TLK1: variants seen among roughly 807,000 people sequenced by gnomAD.
TLK1 encodes serine/threonine-protein kinase tousled-like 1.
In TLK1, 24 loss-of-function variants were observed where a neutral mutation model predicts 105.3. That is an observed-to-expected ratio of 0.23 (90% CI 0.17 to 0.32). TLK1 has a LOEUF of 0.32. TLK1 is among the 10% of genes least tolerant of loss of function. The pLI, the probability that TLK1 is intolerant of heterozygous loss-of-function variation, is 1.00. For synonymous variants in TLK1, 321 were observed against 310.4 expected, an observed-to-expected ratio of 1.03 and a Z score of -0.36; for missense variants, 558 against 910.5, an observed-to-expected ratio of 0.61 and a Z score of 4.98.
intron 13 of TLK1, among the ~76,000 whole-genome samples, chr2:171,014,270 T>C (rs951550185): frequency 6.6e-6 from 1 of 151,836 alleles, no homozygotes; most frequent in African/African-American, 2.4e-5. Flanking sequence ...AGACAAATAA[T>C]AACTAAAAAA....
Position 171,160,728 on chromosome 2 carries a change from G to T in TLK1, c.-300C>A. On this transcript the variant is annotated 5_prime_UTR_variant, in exon 1 of 21. The change creates a new upstream start codon in the 5' untranslated region. Transcript: ENST00000431350. The surrounding 1 kb of genome is among the most constrained non-coding windows in gnomAD (Gnocchi z 4.4). ...CGGCGGAGGCGTCGAGGGGGTGCCA[G>T]CCGGGCCGGGGTCGGAGCGCGGGCG... is the stretch of plus-strand genomic sequence containing the variant. 1 of 455,892 alleles carries T rather than the reference G, an allele frequency of 2.2e-6. No homozygotes were observed. The highest frequency in any genetic ancestry group is 3.8e-6 in the Non-Finnish European group (1 of 265,924). 28.2% of individuals were successfully genotyped at this position (455,892 alleles called of 1,614,324 possible).
At chr2:171,053,713 G>C (rs1442078966) in intron 8 of TLK1, 48 bp downstream of exon 8, 1 of 1,432,838 alleles carries the variant, frequency 7.0e-7, no homozygotes, top group Non-Finnish European at 9.6e-7. Context: ...TTTGACTGTT[G>C]CCAAATAATT....
At chr2:171,057,979 T>A (rs1558914769) in intron 5 of TLK1, among the ~76,000 whole-genome samples, 172 bp downstream of exon 5, 1 of 152,080 alleles carries the variant, frequency 6.6e-6, no homozygotes, top group Non-Finnish European at 1.5e-5. Context: ...TGATATGGCA[T>A]CCCAATGTAA....
At chr2:171,189,924 G>A (rs1337575600) in intron 1 of TLK1, among the ~76,000 whole-genome samples, 1 of 151,464 alleles carries the variant, frequency 6.6e-6, no homozygotes, top group East Asian at 2.0e-4. Context: ...GACAGAGCGA[G>A]ACCCTGTCTC....
intron 1 of TLK1, among the ~76,000 whole-genome samples, chr2:171,167,964 ATTATAAT>A (rs1162616021): frequency 1.3e-5 from 2 of 151,888 alleles, no homozygotes; most frequent in Admixed American, 6.5e-5. Context: ...AAATATATAA[ATTATAAT>A]TTATAATTAT....
chr2:171,132,227 T>C (rs2105558720), intron 1 of TLK1, among the ~76,000 whole-genome samples: 1 of 152,164 alleles, frequency 6.6e-6, no homozygotes, highest in South Asian at 2.1e-4. Flanking sequence ...GCAGGAGAAA[T>C]GCCAAACACT....
chr2:171,078,777 A>G (rs780599070), intron 3 of TLK1, among the ~76,000 whole-genome samples: 1 of 152,194 alleles, frequency 6.6e-6, no homozygotes, highest in Non-Finnish European at 1.5e-5. Flanking sequence ...TCCTCCTAAT[A>G]TTAAACCTTG....
chr2:171,124,055 T>C (rs1205821117), intron 1 of TLK1, among the ~76,000 whole-genome samples: 1 of 152,206 alleles, frequency 6.6e-6, no homozygotes, highest in African/African-American at 2.4e-5. Flanking sequence ...GGTAGAAAGT[T>C]TCTCCACTAC....
chr2:171,224,257 A>G (rs940119626), intron 1 of TLK1, among the ~76,000 whole-genome samples: 6 of 152,164 alleles, frequency 3.9e-5, no homozygotes, highest in African/African-American at 1.4e-4. Flanking sequence ...AGTTGGCTAT[A>G]CATGTGTAGA....
intron 12 of TLK1, among the ~76,000 whole-genome samples, chr2:171,015,900 G>C (rs1685184661): frequency 6.6e-6 from 1 of 152,010 alleles, no homozygotes; most frequent in South Asian, 2.1e-4. Flanking sequence ...CCAACATGGA[G>C]AAACCCCGTC....
At chr2:171,066,940 C>G in intron 3 of TLK1, 6 of 1,543,428 alleles carry the variant, frequency 3.9e-6, no homozygotes, top group Non-Finnish European at 5.2e-6. Context: ...ATAATTTATT[C>G]TGGAAATGTT....
At chr2:171,077,863 T>C (rs1351385621) in intron 3 of TLK1, among the ~76,000 whole-genome samples, 2 of 152,206 alleles carry the variant, frequency 1.3e-5, no homozygotes, top group Admixed American at 6.5e-5. Flanking sequence ...TCATTGTGAA[T>C]TCATGAGCTA....
intron 11 of TLK1, among the ~76,000 whole-genome samples, chr2:171,044,556 T>C (rs1340628180): frequency 2.0e-5 from 3 of 152,190 alleles, no homozygotes; most frequent in East Asian, 3.9e-4. Context: ...AAGTATCCGA[T>C]ACTCAAGAGA....
intron 3 of TLK1, among the ~76,000 whole-genome samples, chr2:171,080,859 C>G (rs1029471370): frequency 7.9e-5 from 12 of 152,022 alleles, no homozygotes; most frequent in African/African-American, 2.9e-4. Context: ...AGCCACGTGG[C>G]ACCATACCCA....
chr2:171,197,544 G>A lies in TLK1; in HGVS notation c.-6+33601C>T, dbSNP rs563741841. Among the ~76,000 whole-genome samples, 289 of 152,226 alleles carry A rather than the reference G, an allele frequency of 1.9e-3. 3 individuals carry two copies. Among genetic ancestry groups the A allele is most frequent in the Middle Eastern group, 0.017 (5 of 294 alleles). On this transcript the variant is annotated intron_variant, in intron 1 of 20. Coordinates refer to the TLK1 transcript ENST00000521943. ...CTGCAATCCCAGCACTATGAGAGGC[G>A]GAGGTGGGCAGATCACTTGAGGTCA...
intron 1 of TLK1, among the ~76,000 whole-genome samples, chr2:171,155,216 T>C (rs1692187754): frequency 6.6e-6 from 1 of 152,180 alleles, no homozygotes; most frequent in African/African-American, 2.4e-5. Context: ...TAAAAGACTA[T>C]ATAAACTATG....
At chr2:171,159,782 A>T (rs951947265) in intron 1 of TLK1, 1 of 152,982 alleles carries the variant, frequency 6.5e-6, no homozygotes, top group African/African-American at 2.4e-5. Flanking sequence ...GAAACCCAGC[A>T]AGCGAGGGGC....
At chr2:171,223,278 A>C (rs932180338) in intron 1 of TLK1, among the ~76,000 whole-genome samples, 15 of 152,206 alleles carry the variant, frequency 9.9e-5, no homozygotes, top group Admixed American at 3.9e-4. Context: ...GTGTACAAGG[A>C]TTCCTCTTTC....
intron 1 of TLK1, among the ~76,000 whole-genome samples, chr2:171,173,598 C>T (rs963884384): frequency 1.3e-5 from 2 of 152,032 alleles, no homozygotes; most frequent in Admixed American, 6.6e-5. Context: ...CACTATGTTG[C>T]CCAGGCTGTT....
Sources: gnomAD v4.1 joint callset for allele counts (sites outside exome capture counted in the v4.1 genomes callset) on GRCh38, gnomAD v4.1.1 for gene constraint, Gnocchi (gnomAD v3.1) non-coding constraint, MANE v1.5 for transcripts, NCBI Gene and HGNC (gene_info 2026-07-23, HGNC 2026-07-21) for gene names.